FOXP4: variants seen among roughly 807,000 people sequenced by gnomAD.
The protein encoded by FOXP4 is forkhead box protein P4.
A neutral mutation model predicts 82.6 loss-of-function variants in FOXP4; 25 were observed. The ratio of observed to expected loss-of-function variants is 0.30; its 90% CI spans 0.22 to 0.42. The LOEUF is 0.42. Among genes scored for constraint, FOXP4 ranks in the 10% least tolerant of loss-of-function variants. The pLI is 1.00. For synonymous variants in FOXP4, 415 were observed against 388.2 expected (o/e 1.07, Z -0.81); for missense variants, 785 against 900.9 (o/e 0.87, Z 1.65).
chr6:41,587,451 C>T lies in FOXP4; in HGVS notation c.811C>T (p.Pro271Ser), dbSNP rs199766169. 7 of 1,557,992 alleles carry T rather than the reference C, an allele frequency of 4.5e-6. No individual in the cohort carries two copies. The highest frequency in any genetic ancestry group is 3.7e-5 in the South Asian group (3 of 81,064). The stretch of plus-strand genomic sequence containing the variant: ...TGCCGCTCCCCCCAAGGTCTCACCC[C>T]CCCTCTCCCACCATACCCTGCCCAA... Reference protein sequence around the residue: ...SFAAPPKVSPPLSHHTLPNGQ... With the variant: ...SFAAPPKVSPSLSHHTLPNGQ... The change falls in exon 7 of 17, where the codon CCC (proline) becomes TCC (serine). Residue 271 changes from proline to serine, a missense_variant. Pro to Ser is a moderately conservative substitution (Grantham distance 74). This residue lies in a region of FOXP4 where 570 missense variants were observed against 634.0 expected (regional missense o/e 0.90). Coordinates refer to ENST00000307972, the MANE Select transcript of FOXP4 (RefSeq NM_001012426.2).
Position 41,564,743 on chromosome 6 carries a change from C to A in FOXP4, c.-16-1002C>A, listed in dbSNP as rs78981445. ...TGGTTCCTATGGAGAGTGAGTTAAC[C>A]TTACTGAGTGTCTACTTTTGACCAG... On this transcript the variant is annotated intron_variant, in intron 1 of 16. Transcript: ENST00000307972. Among the ~76,000 whole-genome samples, 21 of 152,202 alleles carry A rather than the reference C, an allele frequency of 1.4e-4. No individual in the cohort carries two copies. In the East Asian group the frequency reaches 2.5e-3, roughly 18 times the overall value.
At chr6:41,586,620 GC>G (rs1393588686) in intron 5 of FOXP4, among the ~76,000 whole-genome samples, 1 of 152,192 alleles carries the variant, frequency 6.6e-6, no homozygotes, top group Non-Finnish European at 1.5e-5. Context: ...TGGGAAGGGT[GC>G]CCTCCAGGCA....
At chr6:41,567,436 A>G (rs1435681235) in intron 2 of FOXP4, among the ~76,000 whole-genome samples, 2 of 152,226 alleles carry the variant, frequency 1.3e-5, no homozygotes, top group Non-Finnish European at 2.9e-5. Flanking sequence ...TCTCTGGGGA[A>G]GAGACCCACA....
At chr6:41,550,581 G>A (rs569330119) in intron 1 of FOXP4, among the ~76,000 whole-genome samples, 15 of 152,360 alleles carry the variant, frequency 9.8e-5, no homozygotes, top group African/African-American at 2.6e-4. Context: ...GGGCTTGAGC[G>A]TGTGCTGTGG....
intron 2 of FOXP4, among the ~76,000 whole-genome samples, chr6:41,568,971 G>A (rs750170995): frequency 3.9e-5 from 6 of 152,166 alleles, no homozygotes; most frequent in Admixed American, 3.3e-4. Context: ...GAGGCTGGGG[G>A]GTGACCTGGC....
intron 1 of FOXP4, among the ~76,000 whole-genome samples, chr6:41,564,523 T>G (rs942595775): frequency 4.6e-5 from 7 of 152,240 alleles, no homozygotes; most frequent in Non-Finnish European, 1.0e-4. Flanking sequence ...CTTACTGTCC[T>G]GACCATCCCA....
At chr6:41,564,108 C>T (rs73733279) in intron 1 of FOXP4, among the ~76,000 whole-genome samples, 2,945 of 152,272 alleles carry the variant, frequency 0.019, 91 homozygotes, top group African/African-American at 0.065. Context: ...GACTGTGACT[C>T]GGGGGTAGTT....
chr6:41,574,539 G>T (rs1034237851), intron 2 of FOXP4, among the ~76,000 whole-genome samples: 2 of 152,226 alleles, frequency 1.3e-5, no homozygotes, highest in Admixed American at 1.3e-4. Flanking sequence ...TTGTGAGTGG[G>T]TATCACATGT....
intron 1 of FOXP4, among the ~76,000 whole-genome samples, chr6:41,555,741 C>T (rs905567073): frequency 2.0e-5 from 3 of 152,214 alleles, no homozygotes; most frequent in African/African-American, 7.2e-5. Context: ...GAATCAATGG[C>T]TTTGATATGC....
rs1336637887 is a variant in FOXP4 at position 41,598,881 on chromosome 6, G to A, written c.1988G>A (p.Gly663Glu). 3 of 1,604,658 alleles carry A rather than the reference G, an allele frequency of 1.9e-6. No homozygotes were observed. Among genetic ancestry groups the A allele is most frequent in the Admixed American group, 1.7e-5 (1 of 58,472 alleles). Reference sequence around the variant, plus strand: ...GGCGCCCCTAACCCCAGCGCCTCGGGGCCTCCGGAAGACAGGGACCTGGAG... The same window carrying A: ...GGCGCCCCTAACCCCAGCGCCTCGGAGCCTCCGGAAGACAGGGACCTGGAG... ...PLGAPNPSAS[G>E]PPEDRDLEEE... The change falls in exon 17 of 17, where the codon GGG becomes GAG. Residue 663 changes from glycine (G) to glutamate (E), a missense_variant. By Grantham distance (98) the Gly-to-Glu change is moderately conservative. Transcript: ENST00000307972.
intron 2 of FOXP4, among the ~76,000 whole-genome samples, chr6:41,575,889 T>C (rs1252670769): frequency 6.6e-6 from 1 of 152,078 alleles, no homozygotes; most frequent in East Asian, 1.9e-4. Context: ...CCTTGTGCCC[T>C]GGCCTCTGAC....
intron 1 of FOXP4, among the ~76,000 whole-genome samples, chr6:41,549,614 G>A (rs1763881726): frequency 6.6e-6 from 1 of 152,000 alleles, no homozygotes; most frequent in South Asian, 2.1e-4. Context: ...TGTTTGCTGA[G>A]CCCCTACTCT....
rs1763621407 is a variant in FOXP4, at chr6:41,546,506, A to G, written c.-378A>G. The G allele has an allele frequency of 1.3e-5, 2 of 148,226 alleles. No individual in the cohort carries two copies. Among genetic ancestry groups the G allele is most frequent in the South Asian group, 1.8e-4 (1 of 5,594 alleles). The allele number at this position is 148,226 out of a possible 1,614,324, so 9.2% of individuals were successfully genotyped here. ...CCAGCCCGCGAGGAGGGCGCGGCGC[A>G]GGCGGCGGCGGCGCGGCGGGGAGGA... On this transcript the variant is annotated 5_prime_UTR_variant, in exon 1 of 17. Coordinates refer to ENST00000307972, the MANE Select transcript of FOXP4 (RefSeq NM_001012426.2).
chr6:41,555,119 G>T (rs1395791450), intron 1 of FOXP4, among the ~76,000 whole-genome samples: 1 of 151,664 alleles, frequency 6.6e-6, no homozygotes, highest in East Asian at 1.9e-4. Context: ...GGTGGCATGT[G>T]ACTGTAGTCC....
At chr6:41,584,385 A>G (rs564942841) in intron 3 of FOXP4, among the ~76,000 whole-genome samples, 1 of 152,340 alleles carries the variant, frequency 6.6e-6, no homozygotes, top group African/African-American at 2.4e-5. Context: ...ACTGGGGGGA[A>G]CCAGCCAAAG....
chr6:41,551,893 G>GA (rs1271151200), intron 1 of FOXP4, among the ~76,000 whole-genome samples: 3 of 152,166 alleles, frequency 2.0e-5, no homozygotes, highest in Non-Finnish European at 4.4e-5. Context: ...CAGCAGGAGG[G>GA]ACCCGGAGAA....
Position 41,590,032 on chromosome 6 carries a change from G to A in FOXP4, c.1219G>A (p.Gly407Ser), listed in dbSNP as rs759318372. ...TVSAADSFPDGLVHPPTSAAA... is the reference protein window; with the variant it reads ...TVSAADSFPDSLVHPPTSAAA... ...CTCTGCAGCAGACTCATTCCCAGAT[G>A]GTCTCGTGCACCCCCCGACCTCGGC... Residue 407 changes from glycine (G) to serine (S), a missense_variant, in exon 11 of 17, where the codon GGT becomes AGT. Around this residue, in one of 3 missense-constraint regions of FOXP4, gnomAD observed 570 missense variants for 634.0 expected, o/e 0.90. Coordinates refer to ENST00000307972, the MANE Select transcript of FOXP4 (RefSeq NM_001012426.2). The A allele has an allele frequency of 6.2e-7, 1 of 1,613,924 alleles. No homozygotes were observed. The highest frequency in any genetic ancestry group is 1.7e-5 in the Admixed American group (1 of 60,016).
chr6:41,596,851 C>T (rs1488921983), intron 14 of FOXP4, among the ~76,000 whole-genome samples: 1 of 151,770 alleles, frequency 6.6e-6, no homozygotes, highest in African/African-American at 2.4e-5. Context: ...GGAGAGAAAA[C>T]GGGTGGGGGG....
intron 3 of FOXP4, among the ~76,000 whole-genome samples, chr6:41,578,918 T>G (rs1303774205): frequency 3.3e-5 from 5 of 151,914 alleles, no homozygotes; most frequent in Non-Finnish European, 7.4e-5. Context: ...AGCCAGGCTT[T>G]GAAAGGAAGT....
Sources: allele counts gnomAD v4.1 joint callset (sites outside exome capture counted in the v4.1 genomes callset), GRCh38; gene constraint gnomAD v4.1.1; regional missense constraint gnomAD v4.1.1; transcripts MANE v1.5; gene names NCBI Gene and HGNC (gene_info 2026-07-23, HGNC 2026-07-21).